The following MSR1 variants were observed in gnomAD, a reference collection of about 807,000 sequenced individuals.
MSR1 encodes the protein macrophage scavenger receptor types I and II.
Under a neutral mutation model 47.2 loss-of-function variants are expected in MSR1, and 53 were observed. That is an observed-to-expected ratio of 1.12 (90% confidence interval 0.90 to 1.41). The LOEUF is 1.41. Among genes scored for constraint, MSR1 ranks in the 40% most tolerant of loss-of-function variants. The pLI is 0.00. For synonymous variants in MSR1, 239 were observed against 185.6 expected (o/e 1.29, Z -2.34); for missense variants, 786 against 546.9 (o/e 1.44, Z -4.36).
At chr8:16,163,456 C>A (rs914756844) in intron 5 of MSR1, among the ~76,000 whole-genome samples, 1 of 150,542 alleles carries the variant, frequency 6.6e-6, no homozygotes, top group Non-Finnish European at 1.5e-5. Flanking sequence ...ATATAGAAAT[C>A]AAAAAATCAA....
At chr8:16,139,247 T>C (rs1800466238) in intron 8 of MSR1, 4 of 983,172 alleles carry the variant, frequency 4.1e-6, no homozygotes, top group Non-Finnish European at 4.8e-6. Context: ...TGATTACAGA[T>C]TAAAAATGTC....
At chr8:16,138,755 C>G (rs1172784351) in intron 8 of MSR1, among the ~76,000 whole-genome samples, 1 of 152,128 alleles carries the variant, frequency 6.6e-6, no homozygotes, top group Non-Finnish European at 1.5e-5. Flanking sequence ...CAACTTATCT[C>G]TAGATGTTTG....
At chr8:16,118,862 A>G (rs945095678) in intron 9 of MSR1, among the ~76,000 whole-genome samples, 1 of 152,084 alleles carries the variant, frequency 6.6e-6, no homozygotes, top group East Asian at 1.9e-4. Flanking sequence ...AAAAGCAAAA[A>G]TCTAGCTGTT....
intron 1 of MSR1, among the ~76,000 whole-genome samples, chr8:16,182,749 T>C (rs562737401): frequency 2.0e-5 from 3 of 152,276 alleles, no homozygotes; most frequent in Admixed American, 6.5e-5. Context: ...TATGATAACA[T>C]TGCCTTCTTC....
chr8:16,111,537 C>T (rs781397320), intron 9 of MSR1, among the ~76,000 whole-genome samples: 28 of 152,120 alleles, frequency 1.8e-4, no homozygotes, highest in Admixed American at 2.0e-4. Flanking sequence ...CTCCCAATGT[C>T]TACAGCACCA....
At chr8:16,183,619 AATAT>A (rs377417306) in intron 1 of MSR1, among the ~76,000 whole-genome samples, 1 of 89,390 alleles carries the variant, frequency 1.1e-5, no homozygotes, top group Non-Finnish European at 2.0e-5. Flanking sequence ...GCAAATATAT[AATAT>A]ATATAATATA....
chr8:16,147,334 C>T (rs1240517120), intron 7 of MSR1, among the ~76,000 whole-genome samples: 1 of 151,998 alleles, frequency 6.6e-6, no homozygotes, highest in Non-Finnish European at 1.5e-5. Context: ...TAGCACTGTA[C>T]CCTTACGAGC....
chr8:16,142,322 T>A (rs1194634902), intron 8 of MSR1, among the ~76,000 whole-genome samples: 1 of 151,882 alleles, frequency 6.6e-6, no homozygotes, highest in African/African-American at 2.4e-5. Flanking sequence ...AGAGCGAGAC[T>A]CCATCTCAAA....
intron 4 of MSR1, among the ~76,000 whole-genome samples, chr8:16,167,228 T>G (rs761417235): frequency 2.8e-4 from 42 of 152,130 alleles, no homozygotes; most frequent in Non-Finnish European, 1.3e-4. Context: ...TGCTTTCAAT[T>G]CCTCATGTTT....
At chr8:16,121,121 A>G (rs901089243) in intron 8 of MSR1, 8 of 431,562 alleles carry the variant, frequency 1.9e-5, no homozygotes, top group Non-Finnish European at 3.2e-5. Context: ...CAAGGGAACT[A>G]TAGTGACAAC....
chr8:16,182,315 G>A (rs2170118), intron 1 of MSR1, among the ~76,000 whole-genome samples: 9,641 of 152,166 alleles, frequency 0.063, 616 homozygotes, highest in East Asian at 0.32. Context: ...GTGAGTGAGC[G>A]GTGAGTGAAT....
chr8:16,109,929 C>G lies in MSR1; in HGVS notation c.*156G>C. ...TTAAATATAGACATAAAATAGTAAG[C>G]ATGAAGGTGTTCAATATATTAATCC... is the stretch of plus-strand genomic sequence containing the variant. On this transcript the variant is annotated 3_prime_UTR_variant, in exon 10 of 10. Coordinates refer to ENST00000262101, the MANE Select transcript of MSR1 (RefSeq NM_138715.3). The G allele has an allele frequency of 1.2e-6, 1 of 817,348 alleles. No individual in the cohort carries two copies. The highest frequency in any genetic ancestry group is 2.3e-5 in the Admixed American group (1 of 43,420). The allele number at this position is 817,348 out of a possible 1,614,324, so 50.6% of individuals were successfully genotyped here. A position where few individuals can be genotyped will look rare whatever the true frequency, so the allele number is the denominator to read the frequency against.
chr8:16,178,097 G>GTT (rs1433841453), intron 1 of MSR1, 105 bp from the exon 2 acceptor site: 36 of 813,422 alleles, frequency 4.4e-5, no homozygotes, highest in South Asian at 3.4e-4. Flanking sequence ...AATCTATTCA[G>GTT]TTTTTCTTTT....
intron 5 of MSR1, among the ~76,000 whole-genome samples, chr8:16,156,810 A>G (rs1225501775): frequency 6.6e-6 from 1 of 151,896 alleles, no homozygotes; most frequent in Non-Finnish European, 1.5e-5. Context: ...TGCGAGACAT[A>G]TATTTAAATG....
At chr8:16,165,949 A>C (rs1801293045) in intron 4 of MSR1, among the ~76,000 whole-genome samples, 1 of 152,116 alleles carries the variant, frequency 6.6e-6, no homozygotes, top group Non-Finnish European at 1.5e-5. Flanking sequence ...CATTACAATA[A>C]AGGTGAAATA....
At position 16,149,443 on chromosome 8, in the gene MSR1, C is replaced by T. The variant is rs551163119; in HGVS notation, c.979+788G>A. ...AGGGCCTCACTATGTTGCTCAGGCTCGTCTCAAACTCCTGAGCTAAGCAAT... is the reference window on the plus strand; with the variant it reads ...AGGGCCTCACTATGTTGCTCAGGCTTGTCTCAAACTCCTGAGCTAAGCAAT... On this transcript the variant is annotated intron_variant, in intron 7 of 9. Coordinates refer to ENST00000262101, the MANE Select transcript of MSR1 (RefSeq NM_138715.3). Among the ~76,000 whole-genome samples the T allele has an allele frequency of 9.9e-5, 15 of 151,888 alleles. No individual in the cohort carries two copies. The South Asian group carries it at 1.9e-3, about 19-fold the overall frequency.
intron 1 of MSR1, among the ~76,000 whole-genome samples, chr8:16,185,198 T>C (rs902861592): frequency 6.6e-6 from 1 of 151,928 alleles, no homozygotes; most frequent in Non-Finnish European, 1.5e-5. Flanking sequence ...AATGAAGCCA[T>C]AGGATTTGTG....
chr8:16,118,018 C>T (rs1017152916), intron 9 of MSR1, among the ~76,000 whole-genome samples: 2 of 152,118 alleles, frequency 1.3e-5, no homozygotes, highest in African/African-American at 4.8e-5. Context: ...AGGTTGGGAA[C>T]CACTGTCTTA....
intron 8 of MSR1, among the ~76,000 whole-genome samples, chr8:16,136,156 T>C (rs1469808622): frequency 2.0e-5 from 3 of 152,134 alleles, no homozygotes; most frequent in Non-Finnish European, 4.4e-5. Flanking sequence ...CTAAAGTGGG[T>C]CAATGCTATC....
Sources: gnomAD v4.1 joint callset for allele counts (sites outside exome capture counted in the v4.1 genomes callset) on GRCh38, gnomAD v4.1.1 for gene constraint, MANE v1.5 for transcripts, NCBI Gene and HGNC (gene_info 2026-07-23, HGNC 2026-07-21) for gene names.